Variants in RNF144A observed in about 807,000 individuals in gnomAD.
RNF144A encodes E3 ubiquitin-protein ligase RNF144A.
Under a neutral mutation model 38.7 loss-of-function variants are expected in RNF144A, and 11 were observed. The ratio of observed to expected loss-of-function variants is 0.28; its 90% confidence interval spans 0.18 to 0.47. RNF144A has a LOEUF of 0.47. Among genes scored for constraint, RNF144A ranks in the 20% least tolerant of loss-of-function variants. The pLI, the probability that RNF144A is intolerant of heterozygous loss-of-function variation, is 0.99. For synonymous variants in RNF144A, 149 were observed against 143.9 expected, an observed-to-expected ratio of 1.04 and a Z score of -0.25; for missense variants, 316 against 377.2, an observed-to-expected ratio of 0.84 and a Z score of 1.34.
chr2:7,022,346 G>A (rs1443798716), intron 6 of RNF144A, among the ~76,000 whole-genome samples: 1 of 152,172 alleles, frequency 6.6e-6, no homozygotes, highest in Non-Finnish European at 1.5e-5. Context: ...GCTGGGCCAC[G>A]TGTAGATTGT....
In RNF144A at chr2:7,042,595, C is replaced by A. The variant is rs561653800; in HGVS notation, c.*2835C>A. ...TTCTCTGAGGCCCTTGAGTAACTGACCACATTTGGAGGTTTTGCTGGAAAT... is the reference window on the plus strand; with the variant it reads ...TTCTCTGAGGCCCTTGAGTAACTGAACACATTTGGAGGTTTTGCTGGAAAT... On this transcript the variant is annotated 3_prime_UTR_variant, in exon 9 of 9. Coordinates refer to ENST00000320892, the MANE Select transcript of RNF144A (RefSeq NM_014746.6). 1 of 985,442 alleles carries A rather than the reference C, an allele frequency of 1.0e-6. No individual in the cohort carries two copies. The highest frequency in any genetic ancestry group is 1.2e-6 in the Non-Finnish European group (1 of 830,064). 61.0% of individuals were successfully genotyped at this position (985,442 alleles called of 1,614,324 possible).
At position 7,036,541 on chromosome 2, in the gene RNF144A, C is replaced by T. The variant is rs1672690290; in HGVS notation, c.748-3088C>T. Among the ~76,000 whole-genome samples the T allele has an allele frequency of 3.3e-5, 5 of 152,324 alleles. No homozygotes were observed. The South Asian group carries it at 1.0e-3, about 32-fold the overall frequency. On this transcript the variant is annotated intron_variant, in intron 8 of 8. Transcript: ENST00000320892. The stretch of plus-strand genomic sequence containing the variant: ...TTCTCACTGAGATCAGTGAAATAGG[C>T]ACGATCTATCTCTTGTACTTACACC...
intron 2 of RNF144A, among the ~76,000 whole-genome samples, chr2:6,963,155 C>T (rs759692559): frequency 1.3e-5 from 2 of 152,118 alleles, no homozygotes; most frequent in Non-Finnish European, 2.9e-5. Context: ...CAGACAGGAA[C>T]ATAGGTAACA....
Position 7,039,626 on chromosome 2 carries a change from C to T in RNF144A, c.748-3C>T. The T allele has an allele frequency of 6.2e-7, 1 of 1,613,818 alleles. No individual in the cohort carries two copies. The highest frequency in any genetic ancestry group is 1.3e-5 in the African/African-American group (1 of 74,962). The stretch of plus-strand genomic sequence containing the variant: ...CCTCTACCCCTTTGTTTCTTTCTTC[C>T]AGGTTGTGGGCATTTTTGCAGGATT... On this transcript the variant is annotated splice_region_variant and splice_polypyrimidine_tract_variant and intron_variant, in intron 8 of 8. Coordinates refer to ENST00000320892, the MANE Select transcript of RNF144A (RefSeq NM_014746.6).
At chr2:7,044,186 G>C (rs777503512), downstream of RNF144A, 1 of 985,508 alleles carries the variant, frequency 1.0e-6, no homozygotes, top group Non-Finnish European at 1.2e-6. Context: ...TAAACCCCGC[G>C]TGGCTCCGTC....
downstream of RNF144A, among the ~76,000 whole-genome samples, chr2:7,072,940 G>A (rs1393926769): frequency 6.6e-6 from 1 of 152,170 alleles, no homozygotes; most frequent in Non-Finnish European, 1.5e-5. Context: ...CATCTGATCT[G>A]GAATCTGCAG....
At chr2:7,000,094 C>T (rs1341777194) in intron 3 of RNF144A, among the ~76,000 whole-genome samples, 1 of 152,140 alleles carries the variant, frequency 6.6e-6, no homozygotes, top group African/African-American at 2.4e-5. Flanking sequence ...CGGGGCTTTC[C>T]TTGCTTGCAG....
chr2:7,063,193 C>G (rs1558471397), intron 6 of RNF144A, among the ~76,000 whole-genome samples: 2 of 152,166 alleles, frequency 1.3e-5, no homozygotes, highest in Admixed American at 1.3e-4. Flanking sequence ...AGGCTCCTAA[C>G]CACAGTCCTG....
intron 2 of RNF144A, among the ~76,000 whole-genome samples, chr2:6,976,178 A>C (rs141315038): frequency 1.5e-3 from 228 of 152,296 alleles, no homozygotes; most frequent in African/African-American, 5.2e-3. Context: ...AGATATATTG[A>C]CATTTTCCCC....
At chr2:7,030,699 A>G (rs1672242766) in intron 8 of RNF144A, among the ~76,000 whole-genome samples, 1 of 152,166 alleles carries the variant, frequency 6.6e-6, no homozygotes, top group South Asian at 2.1e-4. Context: ...CGTGGAAGGC[A>G]GTTTTTCCAC....
chr2:7,071,441 T>C (rs918252862), downstream of RNF144A, among the ~76,000 whole-genome samples: 10 of 152,218 alleles, frequency 6.6e-5, no homozygotes, highest in Non-Finnish European at 1.3e-4. Context: ...GGCAAAAACA[T>C]TGTAGTCAGA....
chr2:7,025,330 G>T (rs2103437060), intron 7 of RNF144A, among the ~76,000 whole-genome samples: 1 of 152,332 alleles, frequency 6.6e-6, no homozygotes, highest in African/African-American at 2.4e-5. Context: ...CCAAAATGAT[G>T]AAGCTATGAT....
chr2:6,985,709 G>A (rs903367602), intron 2 of RNF144A, among the ~76,000 whole-genome samples: 8 of 152,218 alleles, frequency 5.3e-5, no homozygotes, highest in African/African-American at 1.9e-4. Context: ...GTCTTGCTCT[G>A]TTGCACAGGC....
intron 2 of RNF144A, among the ~76,000 whole-genome samples, chr2:6,945,656 A>G (rs1012420050): frequency 5.3e-5 from 8 of 152,250 alleles, no homozygotes; most frequent in African/African-American, 1.9e-4. Context: ...TGAGGCTCCC[A>G]GGATAAATGA....
At chr2:7,051,451 C>T (rs1007156058) in intron 6 of RNF144A, among the ~76,000 whole-genome samples, 6 of 152,274 alleles carry the variant, frequency 3.9e-5, no homozygotes, top group Middle Eastern at 3.4e-3. Flanking sequence ...GATTTGCCTA[C>T]GCCACGGTAG....
chr2:7,030,380 C>A (rs1672219685), intron 8 of RNF144A, among the ~76,000 whole-genome samples, 165 bp downstream of exon 8: 1 of 151,476 alleles, frequency 6.6e-6, no homozygotes, highest in Admixed American at 6.6e-5. Context: ...AGTAGATGTG[C>A]TTCCTGCTGG....
At chr2:6,997,086 T>G (rs748307768) in intron 3 of RNF144A, 25 bp downstream of exon 3, 8 of 1,610,332 alleles carry the variant, frequency 5.0e-6, no homozygotes, top group Non-Finnish European at 6.8e-6. Flanking sequence ...ATAAAATATA[T>G]GTTACAGTGA....
chr2:6,973,500 A>G (rs1192572581), intron 2 of RNF144A, among the ~76,000 whole-genome samples: 2 of 152,214 alleles, frequency 1.3e-5, no homozygotes, highest in African/African-American at 4.8e-5. Context: ...GTCACTTCAC[A>G]GTACAGGGCG....
intron 8 of RNF144A, among the ~76,000 whole-genome samples, chr2:7,032,664 C>G (rs1433937430): frequency 1.3e-5 from 2 of 152,252 alleles, no homozygotes; most frequent in African/African-American, 2.4e-5. Context: ...CGTCTTCCAT[C>G]ATTGTCCAAA....
Sources: gnomAD v4.1 joint callset for allele counts (sites outside exome capture counted in the v4.1 genomes callset) on GRCh38, gnomAD v4.1.1 for gene constraint, MANE v1.5 for transcripts, NCBI Gene and HGNC (gene_info 2026-07-23, HGNC 2026-07-21) for gene names.